Variants in ATRNL1 observed in about 807,000 individuals in gnomAD.
ATRNL1 encodes the protein attractin like 1, also known as attractin-like protein 1.
Under a neutral mutation model 182.7 loss-of-function variants are expected in ATRNL1, and 95 were observed. The ratio of observed to expected loss-of-function variants is 0.52; its 90% CI spans 0.44 to 0.62. The LOEUF (loss-of-function observed/expected upper bound fraction) is 0.62, where lower values mean the gene tolerates loss of function less well. ATRNL1 is among the 20% of genes least tolerant of loss of function. The pLI, the probability that ATRNL1 is intolerant of heterozygous loss-of-function variation, is 0.00. For missense variants in ATRNL1, 1,471 were observed against 1,679.5 expected, an observed-to-expected ratio of 0.88 and a Z score of 2.17; for synonymous variants, 576 against 568.3, an observed-to-expected ratio of 1.01 and a Z score of -0.19.
At chr10:115,663,584 T>C (rs1447593608) in intron 26 of ATRNL1, among the ~76,000 whole-genome samples, 2 of 152,010 alleles carry the variant, frequency 1.3e-5, no homozygotes, top group Admixed American at 6.6e-5. Context: ...TTGTATGATA[T>C]ACATTATCAT....
intron 19 of ATRNL1, among the ~76,000 whole-genome samples, chr10:115,378,464 A>G (rs1013263220): frequency 6.6e-6 from 1 of 152,204 alleles, no homozygotes; most frequent in Non-Finnish European, 1.5e-5. Flanking sequence ...CTGACTAGGC[A>G]GAACTGTTTT....
At chr10:115,785,254 C>T (rs1422955159) in intron 27 of ATRNL1, among the ~76,000 whole-genome samples, 2 of 152,234 alleles carry the variant, frequency 1.3e-5, no homozygotes, top group Non-Finnish European at 2.9e-5. Context: ...AAAGGGATCA[C>T]TGGTTCCAAG....
At chr10:115,826,485 T>C (rs1165198640) in intron 27 of ATRNL1, among the ~76,000 whole-genome samples, 11 of 152,136 alleles carry the variant, frequency 7.2e-5, no homozygotes, top group Non-Finnish European at 1.3e-4. Context: ...TTCACTCCCA[T>C]AGTTTGGCGT....
intron 20 of ATRNL1, 116 bp downstream of exon 20, chr10:115,394,868 T>C: frequency 3.9e-6 from 3 of 764,794 alleles, no homozygotes; most frequent in Non-Finnish European, 6.2e-6. Context: ...TTTATTACAA[T>C]TTTTAACTTT....
intron 24 of ATRNL1, among the ~76,000 whole-genome samples, chr10:115,480,677 T>A (rs1417258991): frequency 2.6e-5 from 4 of 151,080 alleles, no homozygotes; most frequent in Non-Finnish European, 5.9e-5. Flanking sequence ...CTATGATAGG[T>A]ACAAATGTTC....
intron 2 of ATRNL1, 23 bp downstream of exon 2, chr10:115,120,291 A>T (rs1844669280): frequency 8.3e-7 from 1 of 1,203,390 alleles, no homozygotes; most frequent in Non-Finnish European, 1.2e-6. Flanking sequence ...TCTGAGTCAA[A>T]TTAATGTATT....
chr10:115,339,858 A>G (rs554457246), intron 19 of ATRNL1, among the ~76,000 whole-genome samples: 2 of 152,240 alleles, frequency 1.3e-5, no homozygotes, highest in South Asian at 2.1e-4. Flanking sequence ...GGCTTTTATT[A>G]GGTTGAGTTA....
intron 24 of ATRNL1, among the ~76,000 whole-genome samples, chr10:115,481,189 C>T (rs1019502208): frequency 6.7e-6 from 1 of 149,812 alleles, no homozygotes; most frequent in Admixed American, 6.7e-5. Flanking sequence ...ATATTGTAAA[C>T]AATTTTAGTT....
At chr10:115,937,703 C>T (rs1274974469) in intron 28 of ATRNL1, among the ~76,000 whole-genome samples, 2 of 152,066 alleles carry the variant, frequency 1.3e-5, no homozygotes, top group African/African-American at 2.4e-5. Context: ...TAGCTATATA[C>T]GATCAGAGGA....
chr10:115,675,201 CA>C (rs1366277323), intron 26 of ATRNL1, among the ~76,000 whole-genome samples: 1 of 152,044 alleles, frequency 6.6e-6, no homozygotes, highest in Non-Finnish European at 1.5e-5. Context: ...GGAAAGATAG[CA>C]AAACCTAATC....
rs782720173 is a variant in ATRNL1, at chr10:115,784,679, C to T, written c.3903+57324C>T. ...CTCTTAGCTGTTGGTGGTTGCTGGG[C>T]ATCCTTGGTGTTCCCTAGCTTATAG... On this transcript the variant is annotated intron_variant, in intron 27 of 28. Transcript: ENST00000355044. 9.9e-5 allele frequency among the ~76,000 whole-genome samples: 15 copies of T among 152,268 alleles called. No individual in the cohort carries two copies. In the Middle Eastern group the frequency reaches 0.017, roughly 173 times the overall value.
chr10:115,276,517 T>C (rs1339098681), intron 13 of ATRNL1, among the ~76,000 whole-genome samples: 1 of 152,222 alleles, frequency 6.6e-6, no homozygotes, highest in African/African-American at 2.4e-5. Context: ...TACTCACTTG[T>C]AATTTAGAAT....
chr10:115,326,843 C>T (rs1160175832), intron 18 of ATRNL1, among the ~76,000 whole-genome samples: 1 of 152,122 alleles, frequency 6.6e-6, no homozygotes, highest in African/African-American at 2.4e-5. Flanking sequence ...AAAGGATTCC[C>T]TATTTAATAA....
chr10:115,395,807 A>G (rs1223081620), intron 20 of ATRNL1, among the ~76,000 whole-genome samples: 3 of 151,634 alleles, frequency 2.0e-5, no homozygotes, highest in African/African-American at 7.3e-5. Context: ...AGGCTATTTA[A>G]ATTGTTTTTT....
intron 1 of ATRNL1, among the ~76,000 whole-genome samples, chr10:115,109,105 C>G (rs1169954360): frequency 6.6e-6 from 1 of 152,166 alleles, no homozygotes; most frequent in African/African-American, 2.4e-5. Flanking sequence ...CTTCTGAGCC[C>G]TCATCAGAAT....
At position 115,381,432 on chromosome 10, in the gene ATRNL1, A is replaced by ATTTTTTTTTTTTTTTTTTTTTTTTT. The variant is rs375127246; in HGVS notation, c.3176-13210_3176-13209insTTTTTTTTTTTTTTTTTTTTTTTTT. On this transcript the variant is annotated intron_variant, in intron 19 of 28. Transcript: ENST00000355044. ...CAGGCACATGCCACCATACCTGGCA[A>ATTTTTTTTTTTTTTTTTTTTTTTTT]TTTTTTTTTTTTTTTTTAGTAGACA... Among the ~76,000 whole-genome samples the ATTTTTTTTTTTTTTTTTTTTTTTTT allele has an allele frequency of 1.1e-3, 75 of 68,514 alleles. 13 individuals are homozygous for ATTTTTTTTTTTTTTTTTTTTTTTTT. The highest frequency in any genetic ancestry group is 2.6e-3 in the African/African-American group (43 of 16,686). 44.9% of individuals were successfully genotyped at this position (68,514 alleles called of 152,430 possible).
At chr10:115,362,668 A>C (rs1592523866) in intron 19 of ATRNL1, among the ~76,000 whole-genome samples, 1 of 150,300 alleles carries the variant, frequency 6.7e-6, no homozygotes, top group Admixed American at 6.6e-5. Flanking sequence ...TATCCCTCCC[A>C]CCTCCTCCCA....
chr10:115,348,886 G>A (rs1454450648), intron 19 of ATRNL1, among the ~76,000 whole-genome samples: 1 of 152,094 alleles, frequency 6.6e-6, no homozygotes, highest in Non-Finnish European at 1.5e-5. Context: ...AATACAAATA[G>A]ATAATGTGTA....
chr10:115,145,542 A>G (rs1554879126), intron 5 of ATRNL1, among the ~76,000 whole-genome samples: 1 of 152,224 alleles, frequency 6.6e-6, no homozygotes, highest in African/African-American at 2.4e-5. Flanking sequence ...TAAAATAGAC[A>G]AAAGTTAATA....
Sources: allele counts gnomAD v4.1 joint callset (sites outside exome capture counted in the v4.1 genomes callset), GRCh38; gene constraint gnomAD v4.1.1; transcripts MANE v1.5; gene names NCBI Gene and HGNC (gene_info 2026-07-23, HGNC 2026-07-21).